The following PLA2G5 variants were observed in gnomAD, a reference collection of about 807,000 sequenced individuals.
PLA2G5 encodes the protein Ca2+-dependent phospholipase A2.
In PLA2G5, 12 loss-of-function variants were observed where a neutral mutation model predicts 15.9. The observed-to-expected ratio is 0.76, with a 90% CI of 0.48 to 1.23. The LOEUF (loss-of-function observed/expected upper bound fraction) is 1.23, where lower values mean the gene tolerates loss of function less well. Among genes scored for constraint, PLA2G5 ranks in the 50% most tolerant of loss-of-function variants. The pLI is 0.00. For missense variants in PLA2G5, 169 were observed against 177.1 expected (o/e 0.95, Z 0.26); for synonymous variants, 71 against 71.4 (o/e 0.99, Z 0.03).
At position 20,059,421 on chromosome 1, in the gene PLA2G5, T is replaced by TAA. The variant is rs553777828; in HGVS notation, n.277-201_277-200dup. 1.0e-3 allele frequency among the ~76,000 whole-genome samples: 147 copies of TAA among 142,722 alleles called. 1 individual carries two copies. The highest frequency in any genetic ancestry group is 3.4e-3 in the African/African-American group (134 of 39,038). The allele number at this position is 142,722 out of a possible 152,430, so 93.6% of individuals were successfully genotyped here. A position where few individuals can be genotyped will look rare whatever the true frequency, so the allele number is the denominator to read the frequency against. On this transcript the variant is annotated intron_variant and non_coding_transcript_variant, in intron 1 of 6. Coordinates refer to the PLA2G5 transcript ENST00000460175. ...CTGGGTGACAGAGTGAGGTCCTGTCTAAAAAAAAAAAGAGAGAGAGAGAAA... is the reference window on the plus strand; with the variant it reads ...CTGGGTGACAGAGTGAGGTCCTGTCTAAAAAAAAAAAAAGAGAGAGAGAGAAA...
intron 1 of PLA2G5, among the ~76,000 whole-genome samples, chr1:20,080,138 C>T (rs998437648): frequency 3.3e-5 from 5 of 152,010 alleles, no homozygotes; most frequent in Non-Finnish European, 5.9e-5. Context: ...GGCTGGGGGA[C>T]TTGGCAAAGA....
intron 1 of PLA2G5, among the ~76,000 whole-genome samples, chr1:20,072,008 T>A (rs1486144355): frequency 6.6e-6 from 1 of 152,158 alleles, no homozygotes; most frequent in Non-Finnish European, 1.5e-5. Flanking sequence ...CTCAGGAGGC[T>A]GAGGCAGGAG....
At chr1:20,079,687 T>G (rs910005788) in intron 1 of PLA2G5, among the ~76,000 whole-genome samples, 6 of 152,094 alleles carry the variant, frequency 3.9e-5, no homozygotes, top group African/African-American at 1.2e-4. Flanking sequence ...TATACTACAT[T>G]CCTCACCAGG....
chr1:20,089,848 G>T lies in PLA2G5; in HGVS notation c.245G>T (p.Arg82Leu), dbSNP rs1413403017. ...GRLEEKGCNIRTQSYKYRFAW... is the reference protein window; with the variant it reads ...GRLEEKGCNILTQSYKYRFAW... ...CTGGAGGAGAAGGGCTGCAACATTC[G>T]CACACAGTCCTACAAATACAGATTC... The change falls in exon 4 of 5, where the codon CGC (arginine) becomes CTC (leucine). Residue 82 changes from arginine to leucine, a missense_variant. Transcript: ENST00000375108. 3 of 1,614,050 alleles carry T rather than the reference G, an allele frequency of 1.9e-6. No individual in the cohort carries two copies. The highest frequency in any genetic ancestry group is 2.7e-5 in the African/African-American group (2 of 75,032).
At chr1:20,064,583 A>G (rs1467103958) in intron 2 of PLA2G5, among the ~76,000 whole-genome samples, 2 of 137,946 alleles carry the variant, frequency 1.4e-5, no homozygotes, top group Non-Finnish European at 3.1e-5. Context: ...TCAAAAAAGG[A>G]AAAAAAAAAA....
At chr1:20,089,970 A>C in intron 4 of PLA2G5, 75 bp downstream of exon 4, 3 of 1,020,786 alleles carry the variant, frequency 2.9e-6, no homozygotes, top group Non-Finnish European at 4.4e-6. Context: ...GAGAACAGCC[A>C]GCCTGTATCT....
At chr1:20,040,712 C>G (rs1380866077) in intron 1 of PLA2G5, among the ~76,000 whole-genome samples, 2 of 152,030 alleles carry the variant, frequency 1.3e-5, no homozygotes, top group Non-Finnish European at 2.9e-5. Context: ...TCTTGAGGCC[C>G]CAAAATCACT....
intron 1 of PLA2G5, among the ~76,000 whole-genome samples, chr1:20,080,482 T>C (rs1425953163): frequency 1.3e-5 from 2 of 152,098 alleles, no homozygotes; most frequent in African/African-American, 4.8e-5. Flanking sequence ...CTTAGGAGGT[T>C]GAGGCAGGAC....
At chr1:20,051,144 C>T (rs1038968856) in intron 1 of PLA2G5, among the ~76,000 whole-genome samples, 1 of 152,026 alleles carries the variant, frequency 6.6e-6, no homozygotes, top group African/African-American at 2.4e-5. Context: ...TAATAAATTC[C>T]CTTGTCAATT....
chr1:20,086,193 G>A lies in PLA2G5; in HGVS notation c.151G>A (p.Gly51Ser), dbSNP rs972738815. 2 of 1,614,046 alleles carry A rather than the reference G, an allele frequency of 1.2e-6. No individual in the cohort carries two copies. The highest frequency in any genetic ancestry group is 1.3e-5 in the African/African-American group (1 of 74,918). ...CTTCTACGGCTGTTACTGCGGCTGG[G>A]GCGGCCGAGGAACCCCCAAGGATGG... Reference protein sequence around the residue: ...YGFYGCYCGWGGRGTPKDGTD... With the variant: ...YGFYGCYCGWSGRGTPKDGTD... Residue 51 changes from glycine to serine, a missense_variant, in exon 3 of 5, where the codon GGC (glycine) becomes AGC (serine). By Grantham distance (56) the Gly-to-Ser change is moderately conservative. Transcript: ENST00000375108.
intron 1 of PLA2G5, among the ~76,000 whole-genome samples, chr1:20,030,046 C>T (rs185409927): frequency 3.3e-5 from 5 of 152,288 alleles, no homozygotes; most frequent in Admixed American, 3.3e-4. Flanking sequence ...GCCAGCCCCT[C>T]CACACTTGTG....
chr1:20,067,280 G>A (rs1361202850), upstream of PLA2G5, among the ~76,000 whole-genome samples: 1 of 152,096 alleles, frequency 6.6e-6, no homozygotes, highest in Non-Finnish European at 1.5e-5. Context: ...GATTACAGGT[G>A]TGAGCCATCT....
At chr1:20,075,048 G>A (rs968054359) in intron 1 of PLA2G5, among the ~76,000 whole-genome samples, 13 of 152,284 alleles carry the variant, frequency 8.5e-5, no homozygotes, top group Middle Eastern at 3.4e-3. Flanking sequence ...TGCCACCACC[G>A]CCAAAGATGA....
At chr1:20,076,618 T>C (rs2015699382) in intron 1 of PLA2G5, 1 of 152,208 alleles carries the variant, frequency 6.6e-6, no homozygotes, top group African/African-American at 2.4e-5. Context: ...GGGATCATAA[T>C]GCCCCATGAG....
At chr1:20,037,904 T>A (rs1191345696) in intron 1 of PLA2G5, among the ~76,000 whole-genome samples, 2 of 152,134 alleles carry the variant, frequency 1.3e-5, no homozygotes, top group African/African-American at 4.8e-5. Flanking sequence ...GCTCAGACTC[T>A]CCTTGGGTGG....
chr1:20,070,395 C>A lies in PLA2G5; in HGVS notation c.-81C>A, dbSNP rs1430419205. ...CGGGGAGCCCGCGAGACCCGGGTCTCCAGGGTCTGCCCAAGGAAGTTGCTC... is the reference window on the plus strand; with the variant it reads ...CGGGGAGCCCGCGAGACCCGGGTCTACAGGGTCTGCCCAAGGAAGTTGCTC... On this transcript the variant is annotated 5_prime_UTR_variant, in exon 1 of 5. Transcript: ENST00000375108. 1 of 985,330 alleles carries A rather than the reference C, an allele frequency of 1.0e-6. No individual in the cohort carries two copies. Among genetic ancestry groups the A allele is most frequent in the South Asian group, 4.7e-5 (1 of 21,292 alleles). The allele number at this position is 985,330 out of a possible 1,614,324, so 61.0% of individuals were successfully genotyped here.
intron 2 of PLA2G5, among the ~76,000 whole-genome samples, chr1:20,062,785 T>C (rs938366397): frequency 2.0e-5 from 3 of 152,098 alleles, no homozygotes; most frequent in Non-Finnish European, 4.4e-5. Context: ...GATGAATAAA[T>C]GGTACATCTG....
In PLA2G5 at chr1:20,048,553, C is replaced by T. The variant is rs189262657; in HGVS notation, n.277-11079C>T. On this transcript the variant is annotated intron_variant and non_coding_transcript_variant, in intron 1 of 6. Coordinates refer to the PLA2G5 transcript ENST00000460175. ...TCTTGTGGCTTTAGGCAGTCTAGTCCACAGACAGTAAGGTTTGTTTTGGGA... is the reference window on the plus strand; with the variant it reads ...TCTTGTGGCTTTAGGCAGTCTAGTCTACAGACAGTAAGGTTTGTTTTGGGA... 7.9e-5 allele frequency among the ~76,000 whole-genome samples: 12 copies of T among 152,292 alleles called. No individual in the cohort carries two copies. The East Asian group carries it at 2.3e-3, about 29-fold the overall frequency.
At chr1:20,074,533 T>C (rs953285114) in intron 1 of PLA2G5, among the ~76,000 whole-genome samples, 1 of 152,232 alleles carries the variant, frequency 6.6e-6, no homozygotes. Context: ...CTTGTCTGCA[T>C]TTTAAGTGTT....
Sources: gnomAD v4.1 joint callset for allele counts (sites outside exome capture counted in the v4.1 genomes callset) on GRCh38, gnomAD v4.1.1 for gene constraint, MANE v1.5 for transcripts, NCBI Gene and HGNC (gene_info 2026-07-23, HGNC 2026-07-21) for gene names.